The following RHBDD1 variants were observed in gnomAD, a reference collection of about 807,000 sequenced individuals.
RHBDD1 encodes rhomboid domain containing 1.
Under a neutral mutation model 36.3 loss-of-function variants are expected in RHBDD1, and 38 were observed. The observed-to-expected ratio is 1.05, with a 90% CI of 0.81 to 1.37. The LOEUF (loss-of-function observed/expected upper bound fraction) is 1.37, where lower values mean the gene tolerates loss of function less well. RHBDD1 is among the 40% of genes most tolerant of loss of function. The pLI, the probability that RHBDD1 is intolerant of heterozygous loss-of-function variation, is 0.00. For missense variants in RHBDD1, 393 were observed against 377.6 expected (o/e 1.04, Z -0.34); for synonymous variants, 151 against 136.5 (o/e 1.11, Z -0.74).
At chr2:226,822,633 CAAAAAAAA>C in the RHBDD1 span, among the ~76,000 whole-genome samples, 1 of 71,656 alleles carries the variant, frequency 1.4e-5, no homozygotes, top group Non-Finnish European at 3.4e-5. Flanking sequence ...TATTTTGTCT[CAAAAAAAA>C]AAAAAAAAAA....
At chr2:226,894,670 C>T (rs559532745) in intron 5 of RHBDD1, among the ~76,000 whole-genome samples, 2 of 152,256 alleles carry the variant, frequency 1.3e-5, no homozygotes, top group East Asian at 3.9e-4. Context: ...TGTCTGTGTA[C>T]ACAAAGTGTA....
At position 226,999,055 on chromosome 2, in the gene RHBDD1, G is replaced by T. The variant is rs1960271822; in HGVS notation, c.*3533G>T. ...CAGTTTCCACATACCACTTGGAATT[G>T]CTGGTTATGCTGCAATGAGAGAATG... On this transcript the variant is annotated 3_prime_UTR_variant, in exon 9 of 9. Transcript: ENST00000392062. The T allele has an allele frequency of 6.6e-6, 1 of 152,230 alleles. No individual in the cohort carries two copies. Among genetic ancestry groups the T allele is most frequent in the African/African-American group, 2.4e-5 (1 of 41,452 alleles). The allele number at this position is 152,230 out of a possible 1,614,324, so 9.4% of individuals were successfully genotyped here.
In RHBDD1 at chr2:226,906,882, G is replaced by A. The variant is rs774245051; in HGVS notation, c.655+1G>A. ...AAGAAAATCATGGAAGCATGTGCAG[G>A]TACAGAATAAAACACCTTTGGCATG... On this transcript the variant is annotated splice_donor_variant, in intron 6 of 8. Coordinates refer to ENST00000392062, the MANE Select transcript of RHBDD1 (RefSeq NM_001167608.3). LOFTEE classifies it high-confidence loss of function. The A allele has an allele frequency of 6.8e-6, 11 of 1,613,904 alleles. No homozygotes were observed. The South Asian group carries it at 9.9e-5, about 14-fold the overall frequency.
At chr2:226,914,094 T>G (rs1948720961) in intron 7 of RHBDD1, 114 bp from the exon 8 acceptor site, 1 of 929,448 alleles carries the variant, frequency 1.1e-6, no homozygotes, top group Non-Finnish European at 1.6e-6. Flanking sequence ...TGAGGATAAT[T>G]ATTATACCTA....
intron 8 of RHBDD1, among the ~76,000 whole-genome samples, chr2:226,954,322 C>T (rs1438870386): frequency 6.6e-6 from 1 of 152,022 alleles, no homozygotes; most frequent in Non-Finnish European, 1.5e-5. Context: ...ACCATAGGTT[C>T]ATTTTTTTCA....
At chr2:226,872,907 C>T (rs2125312892) in intron 5 of RHBDD1, among the ~76,000 whole-genome samples, 1 of 152,302 alleles carries the variant, frequency 6.6e-6, no homozygotes, top group Non-Finnish European at 1.5e-5. Flanking sequence ...GAACATGGTA[C>T]ATTTATAATT....
intron 5 of RHBDD1, among the ~76,000 whole-genome samples, chr2:226,887,369 A>G (rs1559234074): frequency 6.6e-6 from 1 of 152,224 alleles, no homozygotes; most frequent in South Asian, 2.1e-4. Flanking sequence ...AGAACATTCA[A>G]TTATAGTGTC....
intron 5 of RHBDD1, among the ~76,000 whole-genome samples, chr2:226,897,312 C>G (rs78791489): frequency 3.8e-3 from 171 of 44,924 alleles, no homozygotes; most frequent in East Asian, 0.018. Context: ...GTGTGTGTGT[C>G]TGTCTGTCTG....
At chr2:226,928,634 AG>A (rs1158726924) in intron 8 of RHBDD1, among the ~76,000 whole-genome samples, 1 of 152,078 alleles carries the variant, frequency 6.6e-6, no homozygotes, top group African/African-American at 2.4e-5. Context: ...AGCTAGAAGA[AG>A]AAAAAAAATA....
intron 3 of RHBDD1, among the ~76,000 whole-genome samples, chr2:226,851,799 G>T (rs533415563): frequency 6.6e-6 from 1 of 152,278 alleles, no homozygotes; most frequent in Admixed American, 6.5e-5. Flanking sequence ...TCCTAAATCT[G>T]CAGTTCCCTT....
the RHBDD1 span, among the ~76,000 whole-genome samples, chr2:226,811,325 G>C: frequency 6.6e-6 from 1 of 151,996 alleles, no homozygotes; most frequent in South Asian, 2.1e-4. Context: ...TTTTTGAGAG[G>C]GAGTCTCGCT....
chr2:226,826,444 T>C, the RHBDD1 span, among the ~76,000 whole-genome samples: 16 of 152,264 alleles, frequency 1.1e-4, no homozygotes, highest in African/African-American at 3.6e-4. Flanking sequence ...TGCAAATGCA[T>C]TGCTCCTATT....
At chr2:226,854,149 T>G (rs1943095385) in intron 3 of RHBDD1, among the ~76,000 whole-genome samples, 1 of 152,244 alleles carries the variant, frequency 6.6e-6, no homozygotes, top group Admixed American at 6.5e-5. Context: ...AAATATTTAA[T>G]ATCTGCTAAT....
At chr2:226,858,094 G>A (rs866540426) in intron 3 of RHBDD1, among the ~76,000 whole-genome samples, 11 of 152,146 alleles carry the variant, frequency 7.2e-5, no homozygotes, top group Admixed American at 4.6e-4. Context: ...AATAGGTTAA[G>A]CATCTGGAAG....
intron 2 of RHBDD1, among the ~76,000 whole-genome samples, chr2:226,839,128 A>G (rs1040573784): frequency 2.6e-5 from 4 of 152,192 alleles, no homozygotes; most frequent in Admixed American, 6.5e-5. Context: ...AATCTCTTAC[A>G]TGTATTTCTG....
intron 5 of RHBDD1, among the ~76,000 whole-genome samples, chr2:226,876,480 C>A (rs1157450725): frequency 1.3e-5 from 2 of 152,196 alleles, no homozygotes; most frequent in Non-Finnish European, 2.9e-5. Context: ...CACATATCAT[C>A]CTTATACCTA....
intron 8 of RHBDD1, among the ~76,000 whole-genome samples, chr2:226,992,020 G>A (rs1311085842): frequency 6.6e-6 from 1 of 152,202 alleles, no homozygotes; most frequent in African/African-American, 2.4e-5. Context: ...ATTCTTTCCT[G>A]TGTGCTGAAC....
intron 8 of RHBDD1, among the ~76,000 whole-genome samples, chr2:226,978,880 A>G (rs1304214311): frequency 6.6e-6 from 1 of 152,192 alleles, no homozygotes; most frequent in Non-Finnish European, 1.5e-5. Flanking sequence ...AAGCTCTCCC[A>G]GCTACTGTGT....
Position 226,975,823 on chromosome 2 carries a change from C to T in RHBDD1, c.857-19608C>T, listed in dbSNP as rs376824731. ...AGAAAATGTTTGAAAAGAGATAATACACAAAAGCAAGATTTCATTGTCACC... is the reference window on the plus strand; with the variant it reads ...AGAAAATGTTTGAAAAGAGATAATATACAAAAGCAAGATTTCATTGTCACC... On this transcript the variant is annotated intron_variant, in intron 8 of 8. Coordinates refer to ENST00000392062, the MANE Select transcript of RHBDD1 (RefSeq NM_001167608.3). 3.3e-5 allele frequency among the ~76,000 whole-genome samples: 5 copies of T among 152,202 alleles called. No homozygotes were observed. In the South Asian group the frequency reaches 1.0e-3, roughly 32 times the overall value.
Sources: gnomAD v4.1 joint callset for allele counts (sites outside exome capture counted in the v4.1 genomes callset) on GRCh38, gnomAD v4.1.1 for gene constraint, MANE v1.5 for transcripts, NCBI Gene and HGNC (gene_info 2026-07-23, HGNC 2026-07-21) for gene names.